Variants in MYO15A observed in about 807,000 individuals in gnomAD.
The protein encoded by MYO15A is unconventional myosin-XV.
MYO15A carries 308 observed loss-of-function variants against 394.6 expected under a neutral mutation model. The ratio of observed to expected loss-of-function variants is 0.78; its 90% CI spans 0.71 to 0.86. The LOEUF (loss-of-function observed/expected upper bound fraction) is 0.86, where lower values mean the gene tolerates loss of function less well. MYO15A is among the 40% of genes least tolerant of loss of function. MYO15A has a pLI of 0.00. For synonymous variants in MYO15A, 1,957 were observed against 2,003.8 expected, an observed-to-expected ratio of 0.98 and a Z score of 0.62; for missense variants, 4,606 against 4,799.1, an observed-to-expected ratio of 0.96 and a Z score of 1.19.
intron 5 of MYO15A, 99 bp downstream of exon 5, chr17:18,126,555 G>A: frequency 8.0e-7 from 1 of 1,243,140 alleles, no homozygotes; most frequent in Non-Finnish European, 1.1e-6. Context: ...TGAGTCAGAG[G>A]TAATGGGGAA....
At position 18,119,143 on chromosome 17, in the gene MYO15A, C is replaced by T. The variant is rs753154568; in HGVS notation, c.343C>T (p.Arg115Cys). The change falls in exon 2 of 66, where the codon CGT becomes TGT. Residue 115 changes from arginine to cysteine, a missense_variant. Physicochemically the swap from Arg to Cys is radical, Grantham distance 180 (BLOSUM62 -3). Around this residue, in one of 2 missense-constraint regions of MYO15A, gnomAD observed 1,830 missense variants for 1,689.7 expected, o/e 1.08. Transcript: ENST00000647165. Reference protein sequence around the residue: ...SFMVIRFPGRRGYGRLRPRAR... With the variant: ...SFMVIRFPGRCGYGRLRPRAR... Reference sequence around the variant, plus strand: ...CATGGTGATCCGCTTCCCAGGCCGCCGTGGCTACGGCCGCCTGCGGCCGCG... The same window carrying T: ...CATGGTGATCCGCTTCCCAGGCCGCTGTGGCTACGGCCGCCTGCGGCCGCG... The T allele has an allele frequency of 1.3e-5, 21 of 1,611,850 alleles. No individual in the cohort carries two copies. The highest frequency in any genetic ancestry group is 3.3e-5 in the South Asian group (3 of 91,056).
chr17:18,121,166 G>A lies in MYO15A; in HGVS notation c.2366G>A (p.Cys789Tyr). 1.3e-6 allele frequency: 2 copies of A among 1,517,646 alleles called. No homozygotes were observed. The highest frequency in any genetic ancestry group is 1.8e-6 in the Non-Finnish European group (2 of 1,140,154). 94.0% of individuals were successfully genotyped at this position (1,517,646 alleles called of 1,614,324 possible). ...AGGAGCTCGCCGGGCCTCGGCTACTGCTCACCCTTGGCGCCCCCGTCGCCT... is the reference window on the plus strand; with the variant it reads ...AGGAGCTCGCCGGGCCTCGGCTACTACTCACCCTTGGCGCCCCCGTCGCCT... ...SLRSSPGLGY[C>Y]SPLAPPSPQL... is the part of the protein sequence containing the mutation. Residue 789 changes from cysteine to tyrosine, a missense_variant, in exon 2 of 66, where the codon TGC (cysteine) becomes TAC (tyrosine). Physicochemically the swap from Cys to Tyr is radical, Grantham distance 194 (BLOSUM62 -2). Transcript: ENST00000647165. This position sits in a 1 kb window ranked among gnomAD's most constrained non-coding sequence, Gnocchi z 5.3.
rs1026936286 is a variant in MYO15A, at chr17:18,126,467, CG to C, written c.3866+16del. 3 of 1,612,134 alleles carry C rather than the reference CG, an allele frequency of 1.9e-6. No individual in the cohort carries two copies. Among genetic ancestry groups the C allele is most frequent in the Non-Finnish European group, 1.7e-6 (2 of 1,178,774 alleles). ...GGGAGAGAATCCCCCGTGAGTGTCT[CG>C]GGGGCGCTGCCCTGGGGTCTCTTGG... is the stretch of plus-strand genomic sequence containing the variant. On this transcript the variant is annotated intron_variant, in intron 5 of 65. Coordinates refer to ENST00000647165, the MANE Select transcript of MYO15A (RefSeq NM_016239.4).
chr17:18,151,800 A>G, intron 40 of MYO15A, 46 bp from the exon 41 acceptor site: 2 of 1,512,868 alleles, frequency 1.3e-6, no homozygotes, highest in Non-Finnish European at 1.8e-6. Flanking sequence ...TGTGATGGGA[A>G]AGGGAGACTC....
In MYO15A at chr17:18,119,012, A is replaced by C; in HGVS notation, c.212A>C (p.Lys71Thr). ...WGLHTGPQKT[K>T]RKRKARTVLK... Reference sequence around the variant, plus strand: ...CTCCACACCGGCCCCCAGAAGACCAAGCGCAAGAGGAAGGCCCGCACCGTG... The same window carrying C: ...CTCCACACCGGCCCCCAGAAGACCACGCGCAAGAGGAAGGCCCGCACCGTG... The change falls in exon 2 of 66, where the codon AAG (lysine) becomes ACG (threonine). Residue 71 changes from lysine to threonine, a missense_variant. Physicochemically the swap from Lys to Thr is moderately conservative, Grantham distance 78. Coordinates refer to ENST00000647165, the MANE Select transcript of MYO15A (RefSeq NM_016239.4). 6.2e-7 allele frequency: 1 copy of C among 1,612,738 alleles called. No homozygotes were observed. The highest frequency in any genetic ancestry group is 8.5e-7 in the Non-Finnish European group (1 of 1,179,912).
At chr17:18,130,843 T>A (rs865867270) in intron 8 of MYO15A, 33 bp downstream of exon 8, 1 of 1,530,578 alleles carries the variant, frequency 6.5e-7, no homozygotes. Context: ...TGTGTGTGTG[T>A]GTGTGTGTGT....
At position 18,155,209 on chromosome 17, in the gene MYO15A, G is replaced by C; in HGVS notation, c.8324G>C (p.Arg2775Pro). The C allele has an allele frequency of 6.2e-7, 1 of 1,613,816 alleles. No homozygotes were observed. Among genetic ancestry groups the C allele is most frequent in the Non-Finnish European group, 8.5e-7 (1 of 1,179,978 alleles). The stretch of plus-strand genomic sequence containing the variant: ...GACACCTGGGAGGTCTACTTCTCCC[G>C]CATCTTCCCCGCCACGGTGCGAGCC... ...ARDTWEVYFS[R>P]IFPATGSVGT... is the part of the protein sequence containing the mutation. The change falls in exon 46 of 66, where the codon CGC (arginine) becomes CCC (proline). Residue 2775 changes from arginine to proline, a missense_variant. Physicochemically the swap from Arg to Pro is moderately radical, Grantham distance 103. Around this residue, in one of 2 missense-constraint regions of MYO15A, gnomAD observed 2,776 missense variants for 3,109.3 expected, o/e 0.89. Transcript: ENST00000647165.
chr17:18,119,473 G>T lies in MYO15A; in HGVS notation c.673G>T (p.Gly225Trp), dbSNP rs768235542. Residue 225 changes from glycine to tryptophan, a missense_variant, in exon 2 of 66, where the codon GGG (glycine) becomes TGG (tryptophan). Physicochemically the swap from Gly to Trp is radical, Grantham distance 184 (BLOSUM62 -2). Transcript: ENST00000647165. ...HHSGSRKSLY[G>W]LEGFQDLGEY... ...CTCGGGCTCCCGCAAGTCGCTGTAC[G>T]GGCTTGAGGGCTTCCAGGACCTGGG... 5.6e-6 allele frequency: 9 copies of T among 1,612,644 alleles called. No individual in the cohort carries two copies. The highest frequency in any genetic ancestry group is 6.8e-6 in the Non-Finnish European group (8 of 1,179,976).
At chr17:18,172,326 C>T (rs1175906508) in intron 64 of MYO15A, 36 bp downstream of exon 64, 3 of 1,611,956 alleles carry the variant, frequency 1.9e-6, no homozygotes, top group Admixed American at 1.7e-5. Flanking sequence ...CATCGCCACC[C>T]TCTGTTCCCT....
chr17:18,135,404 C>T (rs572875740), intron 12 of MYO15A, among the ~76,000 whole-genome samples: 93 of 152,182 alleles, frequency 6.1e-4, no homozygotes, highest in African/African-American at 2.0e-3. Context: ...TGCAATGGCA[C>T]GGTTTCGGCT....
Position 18,138,142 on chromosome 17 carries a change from T to C in MYO15A, c.4903T>C (p.Trp1635Arg), listed in dbSNP as rs770851663. Residue 1635 changes from tryptophan (W) to arginine (R), a missense_variant, in exon 17 of 66, where the codon TGG becomes CGG. By Grantham distance (101) the Trp-to-Arg change is moderately radical. This residue lies in a region of MYO15A where 2,776 missense variants were observed against 3,109.3 expected (regional missense o/e 0.89). Coordinates refer to ENST00000647165, the MANE Select transcript of MYO15A (RefSeq NM_016239.4). ...QEEYIREQID[W>R]QEITFADNQP... ...GGAGTACATCCGTGAGCAGATAGAC[T>C]GGCAGGAGATCACCTTTGCTGACAA... is the stretch of plus-strand genomic sequence containing the variant. The C allele has an allele frequency of 1.2e-6, 2 of 1,613,132 alleles. No homozygotes were observed. The highest frequency in any genetic ancestry group is 3.3e-5 in the Admixed American group (2 of 60,026).
In MYO15A at chr17:18,119,407, C is replaced by G. The variant is rs1315286091; in HGVS notation, c.607C>G (p.Leu203Val). Residue 203 changes from leucine (L) to valine (V), a missense_variant, in exon 2 of 66, where the codon CTG becomes GTG. Around this residue, in one of 2 missense-constraint regions of MYO15A, gnomAD observed 1,830 missense variants for 1,689.7 expected, o/e 1.08. Transcript: ENST00000647165. ...SRSIYASGEPLGFLPFEDEAP... is the reference protein window; with the variant it reads ...SRSIYASGEPVGFLPFEDEAP... ...CAGCATCTACGCGTCAGGCGAGCCC[C>G]TGGGCTTCCTGCCCTTCGAGGACGA... 1.9e-6 allele frequency: 3 copies of G among 1,611,776 alleles called. No individual in the cohort carries two copies. The highest frequency in any genetic ancestry group is 1.3e-5 in the African/African-American group (1 of 74,920).
chr17:18,135,944 CA>C, intron 13 of MYO15A, 120 bp downstream of exon 13: 7 of 928,802 alleles, frequency 7.5e-6, no homozygotes. Flanking sequence ...GTCCCTGGGT[CA>C]GGCATGGAGG....
At chr17:18,177,819 A>C (rs1284739634) in intron 65 of MYO15A, 1 of 152,252 alleles carries the variant, frequency 6.6e-6, no homozygotes, top group Non-Finnish European at 1.5e-5. Context: ...TAACACTCAG[A>C]GTGCGCCTCT....
At position 18,163,768 on chromosome 17, in the gene MYO15A, A is replaced by T. The variant is rs773249115; in HGVS notation, c.9717A>T (p.Ile3239=). Residue 3239 remains isoleucine, a synonymous_variant, in exon 60 of 66, where the codon ATA becomes ATT. Transcript: ENST00000647165. ...CTVALDVVEE[I]CAEMALTRPE... is the part of the protein sequence containing the mutation. ...TGGCCCTGGACGTGGTGGAAGAGAT[A>T]TGTGCTGAGATGGCTCTGACACGCC... 7 of 1,613,856 alleles carry T rather than the reference A, an allele frequency of 4.3e-6. No homozygotes were observed. In the Admixed American group the frequency reaches 1.2e-4, roughly 27 times the overall value.
In MYO15A at chr17:18,120,977, C is replaced by T; in HGVS notation, c.2177C>T (p.Ala726Val). ...TGGTGGGCCTTCGTGGAGCCCCCTG[C>T]CGTGAGCCCGGAGGTGCCCCCCGAC... is the stretch of plus-strand genomic sequence containing the variant. ...ASWWAFVEPP[A>V]VSPEVPPDLL... The change falls in exon 2 of 66, where the codon GCC (alanine) becomes GTC (valine). Residue 726 changes from alanine (A) to valine (V), a missense_variant. Ala to Val is a moderately conservative substitution (Grantham distance 64). Around this residue, in one of 2 missense-constraint regions of MYO15A, gnomAD observed 1,830 missense variants for 1,689.7 expected, o/e 1.08. Transcript: ENST00000647165. The T allele has an allele frequency of 6.7e-7, 1 of 1,498,120 alleles. No homozygotes were observed. The highest frequency in any genetic ancestry group is 8.9e-7 in the Non-Finnish European group (1 of 1,129,128). The allele number at this position is 1,498,120 out of a possible 1,614,324, so 92.8% of individuals were successfully genotyped here. A position where few individuals can be genotyped will look rare whatever the true frequency, so the allele number is the denominator to read the frequency against.
At chr17:18,123,847 G>A (rs551314701) in intron 2 of MYO15A, 70 of 158,698 alleles carry the variant, frequency 4.4e-4, no homozygotes, top group African/African-American at 1.6e-3. Flanking sequence ...GGACCCAGCT[G>A]TGCGCCCACA....
Position 18,132,486 on chromosome 17 carries a change from G to A in MYO15A, c.4240G>A (p.Glu1414Lys), listed in dbSNP as rs1060499798. 5 of 1,613,974 alleles carry A rather than the reference G, an allele frequency of 3.1e-6. No individual in the cohort carries two copies. The highest frequency in any genetic ancestry group is 3.4e-6 in the Non-Finnish European group (4 of 1,180,044). The change falls in exon 11 of 66, where the codon GAG becomes AAG. Residue 1414 changes from glutamate to lysine, a missense_variant. This residue lies in a region of MYO15A where 2,776 missense variants were observed against 3,109.3 expected (regional missense o/e 0.89). Transcript: ENST00000647165. The surrounding 1 kb of genome is among the most constrained non-coding windows in gnomAD (Gnocchi z 4.6). The stretch of plus-strand genomic sequence containing the variant: ...CGAGAGGAATTACCACATCTTCTAC[G>A]AGTTGCTGGCCGGGTTGCCTGCCCA... ...KNERNYHIFY[E>K]LLAGLPAQLR...
At position 18,119,812 on chromosome 17, in the gene MYO15A, C is replaced by A. The variant is rs1434822257; in HGVS notation, c.1012C>A (p.Pro338Thr). The A allele has an allele frequency of 3.7e-6, 6 of 1,613,166 alleles. No homozygotes were observed. The highest frequency in any genetic ancestry group is 1.3e-5 in the African/African-American group (1 of 75,034). ...YHDGYEGEAH[P>T]YGYYLDPYAP... ...CGATGGGTACGAGGGCGAGGCGCAC[C>A]CTTATGGCTACTACCTGGATCCCTA... The change falls in exon 2 of 66, where the codon CCT becomes ACT. Residue 338 changes from proline (P) to threonine (T), a missense_variant. Physicochemically the swap from Pro to Thr is conservative, Grantham distance 38. Around this residue, in one of 2 missense-constraint regions of MYO15A, gnomAD observed 1,830 missense variants for 1,689.7 expected, o/e 1.08. Transcript: ENST00000647165.
Sources: allele counts gnomAD v4.1 joint callset (sites outside exome capture counted in the v4.1 genomes callset), GRCh38; gene constraint gnomAD v4.1.1; regional missense constraint gnomAD v4.1.1; non-coding constraint Gnocchi (gnomAD v3.1); transcripts MANE v1.5; gene names NCBI Gene and HGNC (gene_info 2026-07-23, HGNC 2026-07-21).